Variants in PHKB observed in about 807,000 individuals in gnomAD.
PHKB encodes phosphorylase kinase regulatory subunit beta.
In PHKB, 122 loss-of-function variants were observed where a neutral mutation model predicts 152.1. The ratio of observed to expected loss-of-function variants is 0.80; its 90% confidence interval spans 0.69 to 0.93. PHKB has a LOEUF of 0.93. Ranked by LOEUF, PHKB falls within the 40% of genes least tolerant of loss-of-function variation. The probability of loss-of-function intolerance (pLI) is 0.00; values close to 1 mark genes in which losing one functional copy is unlikely to be tolerated. For missense variants in PHKB, 1,304 were observed against 1,328.4 expected (o/e 0.98, Z 0.29); for synonymous variants, 436 against 464.9 (o/e 0.94, Z 0.80).
At chr16:47,663,127 T>C (rs1472594769) in intron 23 of PHKB, among the ~76,000 whole-genome samples, 1 of 152,174 alleles carries the variant, frequency 6.6e-6, no homozygotes, top group Non-Finnish European at 1.5e-5. Flanking sequence ...TTTTTTATCA[T>C]TGTTTTCTTT....
chr16:47,514,863 T>C (rs1970569787), intron 5 of PHKB, among the ~76,000 whole-genome samples: 2 of 152,228 alleles, frequency 1.3e-5, no homozygotes, highest in South Asian at 4.1e-4. Flanking sequence ...AAAATATCTA[T>C]TTTTAATACA....
intron 7 of PHKB, among the ~76,000 whole-genome samples, chr16:47,569,986 G>C (rs942789226): frequency 6.6e-6 from 1 of 152,184 alleles, no homozygotes; most frequent in Non-Finnish European, 1.5e-5. Flanking sequence ...GCCTACTGGT[G>C]ACGGATTCCC....
At position 47,649,194 on chromosome 16, in the gene PHKB, A is replaced by G. The variant is rs1973189860; in HGVS notation, c.1787A>G (p.Asp596Gly). 1 of 1,569,648 alleles carries G rather than the reference A, an allele frequency of 6.4e-7. No individual in the cohort carries two copies. The highest frequency in any genetic ancestry group is 8.8e-7 in the Non-Finnish European group (1 of 1,139,490). The change falls in exon 18 of 31, where the codon GAT (aspartate) becomes GGT (glycine). Residue 596 changes from aspartate (D) to glycine (G), a missense_variant. Transcript: ENST00000323584. ...TCTCAGGATGTTTTCCTGCTGATAG[A>G]TGACATAAAGGTAGCTTCGGAACAC... The part of the protein sequence containing the change: ...YMSQDVFLLI[D>G]DIKNALQFIK...
At chr16:47,512,896 T>TCTC (rs1323728974) in intron 5 of PHKB, among the ~76,000 whole-genome samples, 6 of 152,214 alleles carry the variant, frequency 3.9e-5, no homozygotes, top group Non-Finnish European at 2.9e-5. Context: ...ATTTCTTACT[T>TCTC]TAGTATGTCT....
Position 47,515,544 on chromosome 16 carries a change from C to T in PHKB, c.537C>T (p.Leu179=). ...AGATAAATGCAGTGTCACTTTATCT[C>T]CTTTACCTTGTGGAAATGATTTCCT... The part of the protein sequence containing the change: ...HLQINAVSLY[L]LYLVEMISSG... The change falls in exon 6 of 31, where the codon CTC becomes CTT. Residue 179 remains leucine (L), a synonymous_variant. Coordinates refer to ENST00000323584, the MANE Select transcript of PHKB (RefSeq NM_000293.3). 6.7e-7 allele frequency: 1 copy of T among 1,490,054 alleles called. No homozygotes were observed. Among genetic ancestry groups the T allele is most frequent in the Non-Finnish European group, 9.4e-7 (1 of 1,067,518 alleles). The allele number at this position is 1,490,054 out of a possible 1,614,324, so 92.3% of individuals were successfully genotyped here.
chr16:47,693,564 C>T, intron 28 of PHKB, 57 bp downstream of exon 28: 1 of 1,580,376 alleles, frequency 6.3e-7, no homozygotes, highest in Non-Finnish European at 8.7e-7. Context: ...GTAGTGAATC[C>T]TTTCCTCTTG....
intron 6 of PHKB, among the ~76,000 whole-genome samples, chr16:47,546,034 A>T (rs1032237253): frequency 6.6e-6 from 1 of 152,226 alleles, no homozygotes; most frequent in Non-Finnish European, 1.5e-5. Context: ...AATGGGTTCT[A>T]ACATCCTCCG....
chr16:47,625,420 T>G (rs1972692085), intron 14 of PHKB, among the ~76,000 whole-genome samples: 1 of 152,214 alleles, frequency 6.6e-6, no homozygotes, highest in Non-Finnish European at 1.5e-5. Flanking sequence ...TAGGGCCCTG[T>G]GGGGCCTTAG....
intron 26 of PHKB, among the ~76,000 whole-genome samples, chr16:47,682,450 C>T (rs558403784): frequency 1.3e-5 from 2 of 152,272 alleles, no homozygotes; most frequent in Admixed American, 1.3e-4. Flanking sequence ...TTCTTGGAGG[C>T]TTTGTTCGTT....
At chr16:47,501,505 G>T (rs1255479150) in intron 3 of PHKB, among the ~76,000 whole-genome samples, 1 of 152,078 alleles carries the variant, frequency 6.6e-6, no homozygotes, top group Non-Finnish European at 1.5e-5. Context: ...AAATTTCTTA[G>T]GTATAATAAT....
chr16:47,635,780 C>T (rs1227852829), intron 14 of PHKB, among the ~76,000 whole-genome samples: 6 of 152,200 alleles, frequency 3.9e-5, no homozygotes, highest in Non-Finnish European at 7.3e-5. Flanking sequence ...ATTCTAGCTC[C>T]GCTAGGTCTG....
rs997121806 is a variant in PHKB, at chr16:47,701,086, A to G, written c.*1720A>G. On this transcript the variant is annotated 3_prime_UTR_variant, in exon 31 of 31. Coordinates refer to ENST00000323584, the MANE Select transcript of PHKB (RefSeq NM_000293.3). ...ATGAAAAGATAGTCGTGAAGGGTGA[A>G]GCTAATTTGTAAAACTAATGCCTGA... 6.6e-6 allele frequency: 1 copy of G among 152,180 alleles called. No homozygotes were observed. The highest frequency in any genetic ancestry group is 2.4e-5 in the African/African-American group (1 of 41,434). 9.4% of individuals were successfully genotyped at this position (152,180 alleles called of 1,614,324 possible).
intron 7 of PHKB, chr16:47,565,828 A>G: frequency 7.2e-7 from 1 of 1,382,768 alleles, no homozygotes; most frequent in East Asian, 2.3e-5. Context: ...GTCCCTCCAA[A>G]GACAGAAGCA....
intron 1 of PHKB, among the ~76,000 whole-genome samples, chr16:47,486,246 T>C (rs977426325): frequency 2.0e-5 from 3 of 152,200 alleles, no homozygotes; most frequent in Non-Finnish European, 4.4e-5. Flanking sequence ...TCCCCGATAA[T>C]GTGGATCACT....
chr16:47,504,666 C>A (rs965959920), intron 4 of PHKB, among the ~76,000 whole-genome samples: 1 of 152,198 alleles, frequency 6.6e-6, no homozygotes, highest in Non-Finnish European at 1.5e-5. Flanking sequence ...TTTCCATGTG[C>A]CCCGTTTTTT....
intron 7 of PHKB, among the ~76,000 whole-genome samples, chr16:47,567,766 C>T (rs1010512257): frequency 6.6e-6 from 1 of 152,122 alleles, no homozygotes; most frequent in South Asian, 2.1e-4. Flanking sequence ...TGGATTTTAT[C>T]GAATGCTTTT....
At chr16:47,512,541 C>G (rs984851156) in intron 5 of PHKB, among the ~76,000 whole-genome samples, 1 of 152,218 alleles carries the variant, frequency 6.6e-6, no homozygotes, top group Non-Finnish European at 1.5e-5. Flanking sequence ...TGTCATCCTT[C>G]AGTGAAGCTA....
intron 10 of PHKB, 27 bp downstream of exon 10, chr16:47,589,129 G>A (rs769313693): frequency 3.9e-5 from 58 of 1,504,810 alleles, no homozygotes; most frequent in East Asian, 6.8e-5. Context: ...CATGGTAATC[G>A]CATATCAGAG....
intron 8 of PHKB, among the ~76,000 whole-genome samples, chr16:47,585,765 C>T (rs1168305385): frequency 6.6e-6 from 1 of 152,126 alleles, no homozygotes; most frequent in African/African-American, 2.4e-5. Context: ...TGAATTTAGA[C>T]AAATAAGCCA....
Sources: allele counts gnomAD v4.1 joint callset (sites outside exome capture counted in the v4.1 genomes callset), GRCh38; gene constraint gnomAD v4.1.1; transcripts MANE v1.5; gene names NCBI Gene and HGNC (gene_info 2026-07-23, HGNC 2026-07-21).